Variants in FOCAD observed in about 807,000 individuals in gnomAD.
FOCAD encodes the protein focadhesin.
FOCAD carries 198 observed loss-of-function variants against 225.6 expected under a neutral mutation model. The observed-to-expected ratio is 0.88, with a 90% CI of 0.78 to 0.99. FOCAD has a LOEUF of 0.99. Ranked by LOEUF, FOCAD falls within the 50% of genes least tolerant of loss-of-function variation. The pLI is 0.00. For missense variants in FOCAD, 2,713 were observed against 2,123.6 expected (o/e 1.28, Z -5.46); for synonymous variants, 897 against 755.0 (o/e 1.19, Z -3.08).
intron 15 of FOCAD, among the ~76,000 whole-genome samples, chr9:20,852,700 T>C (rs1162305237): frequency 6.6e-6 from 1 of 151,822 alleles, no homozygotes; most frequent in African/African-American, 2.4e-5. Flanking sequence ...ATTTTTTTGA[T>C]ACACAGCATA....
chr9:20,657,935 G>A (rs1348152945), upstream of FOCAD, among the ~76,000 whole-genome samples: 2 of 137,350 alleles, frequency 1.5e-5, no homozygotes, highest in African/African-American at 2.7e-5. Context: ...TTTGATGATG[G>A]TGATGTACAG....
intron 27 of FOCAD, among the ~76,000 whole-genome samples, chr9:20,932,589 G>A (rs1364903853): frequency 1.3e-5 from 2 of 152,166 alleles, no homozygotes; most frequent in East Asian, 3.9e-4. Flanking sequence ...CATGAAATCA[G>A]AAGTGACAGT....
At chr9:20,867,254 G>A (rs753468947) in intron 18 of FOCAD, among the ~76,000 whole-genome samples, 3 of 151,976 alleles carry the variant, frequency 2.0e-5, no homozygotes, top group Non-Finnish European at 4.4e-5. Context: ...TATATGGCTT[G>A]CTCCAGATCT....
chr9:20,738,659 C>T (rs1345334901), intron 4 of FOCAD, among the ~76,000 whole-genome samples: 1 of 152,156 alleles, frequency 6.6e-6, no homozygotes, highest in Non-Finnish European at 1.5e-5. Context: ...GTGAAAAATG[C>T]TTCAGCTGCA....
intron 18 of FOCAD, among the ~76,000 whole-genome samples, chr9:20,868,094 A>G (rs1156246999): frequency 1.3e-5 from 2 of 152,136 alleles, no homozygotes; most frequent in Admixed American, 6.6e-5. Context: ...AAGATGTGTT[A>G]TGACTCATAC....
intron 15 of FOCAD, among the ~76,000 whole-genome samples, chr9:20,844,349 CTTTTTTTTTTTTTT>C (rs58468376): frequency 2.6e-5 from 2 of 77,248 alleles, no homozygotes; most frequent in Non-Finnish European, 4.5e-5. Context: ...AGGAAATTTC[CTTTTTTTTTTTTTT>C]TTTTTTTTTT....
At chr9:20,820,287 A>T in intron 12 of FOCAD, 37 bp from the exon 13 acceptor site, 1 of 1,500,534 alleles carries the variant, frequency 6.7e-7, no homozygotes, top group Non-Finnish European at 9.1e-7. Context: ...GTCTGCATTC[A>T]AGTTTATGCA....
chr9:20,949,725 TTG>T, intron 33 of FOCAD, 50 bp downstream of exon 33: 5 of 1,421,272 alleles, frequency 3.5e-6, no homozygotes, highest in Non-Finnish European at 5.0e-6. Context: ...TCCCCCTTTG[TTG>T]TCTTTTTTTC....
chr9:20,820,147 G>A, intron 12 of FOCAD, 177 bp from the exon 13 acceptor site: 1 of 549,096 alleles, frequency 1.8e-6, no homozygotes, highest in Admixed American at 3.6e-5. Context: ...TATGTCCCCA[G>A]GATTGTTATC....
At chr9:20,826,364 C>T (rs1037756054) in intron 15 of FOCAD, among the ~76,000 whole-genome samples, 2 of 152,120 alleles carry the variant, frequency 1.3e-5, no homozygotes, top group Non-Finnish European at 2.9e-5. Flanking sequence ...TGCCCTCGAA[C>T]ATCAGACTCC....
chr9:20,767,512 C>A (rs1261595856), intron 7 of FOCAD, among the ~76,000 whole-genome samples: 1 of 151,644 alleles, frequency 6.6e-6, no homozygotes, highest in Non-Finnish European at 1.5e-5. Context: ...TTAATGATCG[C>A]CATTCTAACT....
At chr9:20,660,073 G>C (rs1821667991) in intron 2 of FOCAD, among the ~76,000 whole-genome samples, 1 of 152,154 alleles carries the variant, frequency 6.6e-6, no homozygotes, top group Non-Finnish European at 1.5e-5. Flanking sequence ...TTTTTGAGAT[G>C]TTTTCTTGGA....
At chr9:20,723,527 T>A (rs916399059) in intron 4 of FOCAD, among the ~76,000 whole-genome samples, 1 of 152,234 alleles carries the variant, frequency 6.6e-6, no homozygotes, top group Admixed American at 6.5e-5. Flanking sequence ...TTTGAATAGA[T>A]AATATATTCA....
intron 35 of FOCAD, among the ~76,000 whole-genome samples, chr9:20,956,849 C>T (rs1477135951): frequency 2.6e-5 from 4 of 152,040 alleles, no homozygotes; most frequent in Non-Finnish European, 5.9e-5. Flanking sequence ...TGCACCACCA[C>T]GCCTGGCTAA....
chr9:20,831,027 G>GA (rs2131496982), intron 15 of FOCAD, among the ~76,000 whole-genome samples: 1 of 152,026 alleles, frequency 6.6e-6, no homozygotes, highest in South Asian at 2.1e-4. Flanking sequence ...ATTGACTAGG[G>GA]ATCTTATTTA....
chr9:20,917,048 C>A, intron 24 of FOCAD, 111 bp downstream of exon 24: 1 of 790,788 alleles, frequency 1.3e-6, no homozygotes, highest in Non-Finnish European at 1.9e-6. Context: ...TTTTAGAGTA[C>A]TTTTCAATTA....
chr9:20,755,797 GT>G (rs765898428), intron 5 of FOCAD, among the ~76,000 whole-genome samples: 5 of 152,066 alleles, frequency 3.3e-5, no homozygotes, highest in Non-Finnish European at 7.4e-5. Flanking sequence ...TCCTTTTTAT[GT>G]AGTGAGTGTT....
chr9:20,765,883 A>C (rs1587076622), intron 7 of FOCAD, among the ~76,000 whole-genome samples: 1 of 152,324 alleles, frequency 6.6e-6, no homozygotes, highest in Non-Finnish European at 1.5e-5. Flanking sequence ...AACATATTTC[A>C]AAACGATCAC....
intron 18 of FOCAD, chr9:20,873,787 G>C (rs572635846): frequency 6.6e-6 from 1 of 152,274 alleles, no homozygotes; most frequent in East Asian, 1.9e-4. Context: ...CTATGAAGAA[G>C]GCAGTCTGCA....
Sources: allele counts gnomAD v4.1 joint callset (sites outside exome capture counted in the v4.1 genomes callset), GRCh38; gene constraint gnomAD v4.1.1; transcripts MANE v1.5; gene names NCBI Gene and HGNC (gene_info 2026-07-23, HGNC 2026-07-21).